Variants in CELF4 observed in about 807,000 individuals in gnomAD.
CELF4 encodes CUGBP Elav-like family member 4, also known as CUG-BP- and ETR-3-like factor 4.
Under a neutral mutation model 59.9 loss-of-function variants are expected in CELF4, and 18 were observed. The ratio of observed to expected loss-of-function variants is 0.30; its 90% CI spans 0.21 to 0.45. CELF4 has a LOEUF of 0.45. Ranked by LOEUF, CELF4 falls within the 20% of genes least tolerant of loss-of-function variation. The pLI, the probability that CELF4 is intolerant of heterozygous loss-of-function variation, is 1.00. For synonymous variants in CELF4, 261 were observed against 267.1 expected (o/e 0.98, Z 0.22); for missense variants, 456 against 689.0 (o/e 0.66, Z 3.79).
chr18:37,519,572 C>T (rs2099954783), intron 1 of CELF4, among the ~76,000 whole-genome samples: 1 of 152,198 alleles, frequency 6.6e-6, no homozygotes, highest in African/African-American at 2.4e-5. Context: ...ATGAAAAATG[C>T]TTCAGGTGTT....
At chr18:37,417,190 G>C (rs2099536031) in intron 2 of CELF4, among the ~76,000 whole-genome samples, 1 of 152,204 alleles carries the variant, frequency 6.6e-6, no homozygotes, top group Non-Finnish European at 1.5e-5. Flanking sequence ...GGGAGAACTT[G>C]CTGACTGGGC....
chr18:37,334,438 C>T (rs2097688402), intron 2 of CELF4, among the ~76,000 whole-genome samples: 1 of 152,010 alleles, frequency 6.6e-6, no homozygotes, highest in South Asian at 2.1e-4. Flanking sequence ...GCGAGGGGAT[C>T]TCTCCAGCTG....
intron 3 of CELF4, among the ~76,000 whole-genome samples, chr18:37,309,987 G>A (rs1261782360): frequency 2.0e-5 from 3 of 151,098 alleles, no homozygotes; most frequent in Admixed American, 1.3e-4. Context: ...TATAGCTGTG[G>A]CCCCAGGCAG....
chr18:37,292,423 C>T (rs1268738511), intron 3 of CELF4, among the ~76,000 whole-genome samples: 2 of 152,158 alleles, frequency 1.3e-5, no homozygotes, highest in Non-Finnish European at 2.9e-5. Context: ...GGCAAGGAGA[C>T]CTTCCTGGGG....
At chr18:37,429,308 C>CTG (rs938094025) in intron 2 of CELF4, among the ~76,000 whole-genome samples, 8 of 151,194 alleles carry the variant, frequency 5.3e-5, no homozygotes, top group Admixed American at 1.3e-4. Flanking sequence ...ATGTGTAAGT[C>CTG]TGTGTGTGTG....
chr18:37,478,692 G>A (rs990515778), intron 2 of CELF4, among the ~76,000 whole-genome samples: 1 of 152,230 alleles, frequency 6.6e-6, no homozygotes, highest in East Asian at 1.9e-4. Flanking sequence ...CAGGGGGCTG[G>A]GCTAAGGGAT....
At chr18:37,299,294 T>C (rs886303154) in intron 3 of CELF4, among the ~76,000 whole-genome samples, 1 of 152,218 alleles carries the variant, frequency 6.6e-6, no homozygotes, top group Non-Finnish European at 1.5e-5. Flanking sequence ...GCCTACTTGT[T>C]GCAAATATTT....
chr18:37,284,309 TAC>T (rs142557119), intron 3 of CELF4, among the ~76,000 whole-genome samples: 4 of 149,500 alleles, frequency 2.7e-5, no homozygotes, highest in African/African-American at 7.4e-5. Flanking sequence ...CCAATGCACA[TAC>T]ACACACACAC....
At chr18:37,456,652 C>T (rs2039239510) in intron 2 of CELF4, among the ~76,000 whole-genome samples, 1 of 152,138 alleles carries the variant, frequency 6.6e-6, no homozygotes, top group Non-Finnish European at 1.5e-5. Flanking sequence ...TTCTTAGCCC[C>T]CATTTATAGC....
At chr18:37,471,934 G>A (rs1228129436) in intron 2 of CELF4, among the ~76,000 whole-genome samples, 3 of 152,144 alleles carry the variant, frequency 2.0e-5, no homozygotes, top group East Asian at 3.9e-4. Flanking sequence ...TCTGTCTCTC[G>A]GCCTTGAAGG....
At chr18:37,562,002 G>T (rs2154606325) in intron 1 of CELF4, among the ~76,000 whole-genome samples, 1 of 152,192 alleles carries the variant, frequency 6.6e-6, no homozygotes, top group South Asian at 2.1e-4. Context: ...TTAATTCTGG[G>T]CTTTTTTCTT....
intron 1 of CELF4, among the ~76,000 whole-genome samples, chr18:37,515,286 GT>G (rs2099949407): frequency 6.6e-6 from 1 of 152,058 alleles, no homozygotes; most frequent in African/African-American, 2.4e-5. Context: ...TCCCTTTTCT[GT>G]TTTTGCTTTT....
intron 2 of CELF4, among the ~76,000 whole-genome samples, chr18:37,399,854 T>C (rs2099303192): frequency 6.6e-6 from 1 of 152,196 alleles, no homozygotes; most frequent in African/African-American, 2.4e-5. Flanking sequence ...CCTAAGCACA[T>C]CCTTTCCAGG....
At chr18:37,516,785 G>C (rs1237325450) in intron 1 of CELF4, among the ~76,000 whole-genome samples, 1 of 152,160 alleles carries the variant, frequency 6.6e-6, no homozygotes, top group South Asian at 2.1e-4. Context: ...GGAGAGGGTG[G>C]CTCACCCCCA....
chr18:37,448,015 T>C (rs1190540364), intron 2 of CELF4, among the ~76,000 whole-genome samples: 3 of 152,194 alleles, frequency 2.0e-5, no homozygotes, highest in Non-Finnish European at 4.4e-5. Flanking sequence ...CAGAGCCACA[T>C]TGGTATAAGC....
intron 1 of CELF4, among the ~76,000 whole-genome samples, chr18:37,557,225 A>G (rs1453657531): frequency 1.3e-5 from 2 of 152,238 alleles, no homozygotes; most frequent in African/African-American, 2.4e-5. Flanking sequence ...GTGCACGTGC[A>G]TATGTGCATG....
At chr18:37,365,750 T>C (rs1209790414) in intron 2 of CELF4, among the ~76,000 whole-genome samples, 2 of 152,084 alleles carry the variant, frequency 1.3e-5, no homozygotes, top group African/African-American at 4.8e-5. Context: ...CCTCCCAAAG[T>C]GCTGGGATTA....
chr18:37,328,015 G>A (rs2097385031), intron 2 of CELF4, among the ~76,000 whole-genome samples: 1 of 152,202 alleles, frequency 6.6e-6, no homozygotes, highest in African/African-American at 2.4e-5. Context: ...GTGTGTGCAT[G>A]TGTGTGACAG....
intron 2 of CELF4, among the ~76,000 whole-genome samples, chr18:37,423,051 CAT>C (rs1491250637): frequency 2.9e-4 from 36 of 125,554 alleles, no homozygotes; most frequent in South Asian, 5.7e-4. Flanking sequence ...CACATAGACA[CAT>C]GCGCGCGCGC....
Sources: gnomAD v4.1 joint callset for allele counts (sites outside exome capture counted in the v4.1 genomes callset) on GRCh38, gnomAD v4.1.1 for gene constraint, MANE v1.5 for transcripts, NCBI Gene and HGNC (gene_info 2026-07-23, HGNC 2026-07-21) for gene names.